EAF2: variants seen among roughly 807,000 people sequenced by gnomAD.
EAF2 encodes the protein ELL-associated factor 2.
Under a neutral mutation model 29.4 loss-of-function variants are expected in EAF2, and 29 were observed. That is an observed-to-expected ratio of 0.99 (90% CI 0.73 to 1.35). EAF2 has a LOEUF of 1.35. Ranked by LOEUF, EAF2 falls within the 40% of genes most tolerant of loss-of-function variation. The pLI, the probability that EAF2 is intolerant of heterozygous loss-of-function variation, is 0.00. For synonymous variants in EAF2, 103 were observed against 102.5 expected, an observed-to-expected ratio of 1.00 and a Z score of -0.03; for missense variants, 292 against 312.0, an observed-to-expected ratio of 0.94 and a Z score of 0.48.
intron 4 of EAF2, among the ~76,000 whole-genome samples, chr3:121,862,748 A>C (rs1236623868): frequency 6.6e-6 from 1 of 152,150 alleles, no homozygotes; most frequent in African/African-American, 2.4e-5. Context: ...GGAGGAGAAG[A>C]GGCACTCTGA....
At chr3:121,867,883 G>A (rs1427251568) in intron 4 of EAF2, among the ~76,000 whole-genome samples, 1 of 152,060 alleles carries the variant, frequency 6.6e-6, no homozygotes, top group Non-Finnish European at 1.5e-5. Context: ...TGACAAGTCA[G>A]GTATGTATAT....
chr3:121,835,508 C>G, intron 1 of EAF2, 117 bp downstream of exon 1: 10 of 882,384 alleles, frequency 1.1e-5, no homozygotes, highest in Non-Finnish European at 1.6e-5. Flanking sequence ...GACTACGGGG[C>G]GGGGAGGGGG....
At chr3:121,857,804 G>A (rs147585453) in intron 4 of EAF2, among the ~76,000 whole-genome samples, 15 of 152,048 alleles carry the variant, frequency 9.9e-5, no homozygotes, top group African/African-American at 2.2e-4. Flanking sequence ...GTATATCTCC[G>A]AATGCTATCC....
rs1212156754 is a variant in EAF2, at chr3:121,886,472, A to T, written c.*84A>T. The T allele has an allele frequency of 7.0e-6, 5 of 718,648 alleles. No homozygotes were observed. Among genetic ancestry groups the T allele is most frequent in the Non-Finnish European group, 1.0e-5 (5 of 484,446 alleles). 44.5% of individuals were successfully genotyped at this position (718,648 alleles called of 1,614,324 possible). A position where few individuals can be genotyped will look rare whatever the true frequency, so the allele number is the denominator to read the frequency against. ...CAATAAAAATTCCTAAGACTGAGGG[A>T]AATATGTCTTAACTTTTGATGATAA... On this transcript the variant is annotated 3_prime_UTR_variant, in exon 6 of 6. Coordinates refer to ENST00000273668, the MANE Select transcript of EAF2 (RefSeq NM_018456.6).
In EAF2 at chr3:121,839,452, G is replaced by A. The variant is rs762930548; in HGVS notation, c.106+4061G>A. ...TTCCAGTATTTCCCTTTGTGTTACTGTGAGAAAAATATTAGAAGTCAGAGG... is the reference window on the plus strand; with the variant it reads ...TTCCAGTATTTCCCTTTGTGTTACTATGAGAAAAATATTAGAAGTCAGAGG... On this transcript the variant is annotated intron_variant, in intron 1 of 5. Coordinates refer to ENST00000273668, the MANE Select transcript of EAF2 (RefSeq NM_018456.6). 1.6e-3 allele frequency among the ~76,000 whole-genome samples: 236 copies of A among 152,248 alleles called. 5 individuals are homozygous for A. The Middle Eastern group carries it at 0.034, about 22-fold the overall frequency.
At chr3:121,863,205 C>G (rs1014572906) in intron 4 of EAF2, among the ~76,000 whole-genome samples, 6 of 152,220 alleles carry the variant, frequency 3.9e-5, no homozygotes, top group African/African-American at 1.4e-4. Flanking sequence ...CTGGGAGAAC[C>G]ACTGCTGTCT....
intron 4 of EAF2, among the ~76,000 whole-genome samples, chr3:121,861,786 C>T (rs902045327): frequency 1.3e-5 from 2 of 152,144 alleles, no homozygotes; most frequent in Non-Finnish European, 2.9e-5. Context: ...TACAATTTGG[C>T]ATGTTTTTGT....
chr3:121,877,175 T>C (rs928477222), intron 5 of EAF2, among the ~76,000 whole-genome samples: 1 of 151,998 alleles, frequency 6.6e-6, no homozygotes, highest in African/African-American at 2.4e-5. Flanking sequence ...TCTGAATTTG[T>C]ATGCATGTAA....
At chr3:121,852,458 G>C (rs1283530086) in intron 2 of EAF2, among the ~76,000 whole-genome samples, 4 of 152,098 alleles carry the variant, frequency 2.6e-5, no homozygotes, top group Non-Finnish European at 1.5e-5. Flanking sequence ...ACATCTAACC[G>C]TTTTAGAGCT....
chr3:121,844,211 T>G (rs1053514097), intron 1 of EAF2, among the ~76,000 whole-genome samples: 3 of 152,190 alleles, frequency 2.0e-5, no homozygotes, highest in Admixed American at 6.5e-5. Flanking sequence ...CAGGATTCTA[T>G]GGAAGCATGA....
intron 4 of EAF2, among the ~76,000 whole-genome samples, chr3:121,869,135 C>T (rs948044567): frequency 6.6e-6 from 1 of 152,072 alleles, no homozygotes; most frequent in African/African-American, 2.4e-5. Context: ...GAAGAATCAT[C>T]AAAGGAAATT....
At chr3:121,841,567 G>C (rs6768806) in intron 1 of EAF2, among the ~76,000 whole-genome samples, 2,869 of 115,970 alleles carry the variant, frequency 0.025, 144 homozygotes, top group African/African-American at 0.087. Flanking sequence ...AAAAAAGATA[G>C]AAAGAAATAG....
intron 3 of EAF2, 27 bp downstream of exon 3, chr3:121,854,850 AT>A: frequency 6.7e-7 from 1 of 1,497,580 alleles, no homozygotes; most frequent in Non-Finnish European, 8.9e-7. Flanking sequence ...AATAAATTAT[AT>A]TATAAACATA....
rs1708685611 is a variant in EAF2, at chr3:121,854,537, C to G, written c.202-150C>G. The G allele has an allele frequency of 2.4e-5, 13 of 543,810 alleles. No individual in the cohort carries two copies. The highest frequency in any genetic ancestry group is 3.9e-5 in the Non-Finnish European group (13 of 335,466). The allele number at this position is 543,810 out of a possible 1,614,324, so 33.7% of individuals were successfully genotyped here. A position where few individuals can be genotyped will look rare whatever the true frequency, so the allele number is the denominator to read the frequency against. On this transcript the variant is annotated intron_variant, in intron 2 of 5. Transcript: ENST00000273668. Reference sequence around the variant, plus strand: ...ATCTTCATCTGTCTTTTTTACTACACTCTTTGGATTCAGGGTAGTAAATTT... The same window carrying G: ...ATCTTCATCTGTCTTTTTTACTACAGTCTTTGGATTCAGGGTAGTAAATTT...
intron 4 of EAF2, among the ~76,000 whole-genome samples, chr3:121,857,497 A>G (rs1708741458): frequency 6.6e-6 from 1 of 151,790 alleles, no homozygotes; most frequent in Non-Finnish European, 1.5e-5. Flanking sequence ...CTCAAAAAAA[A>G]AAAAAAGAAA....
At chr3:121,837,559 T>G (rs1046241271) in intron 1 of EAF2, 7 of 152,314 alleles carry the variant, frequency 4.6e-5, no homozygotes, top group African/African-American at 1.7e-4. Flanking sequence ...GGCTAAAAGA[T>G]AATAGTAATA....
intron 1 of EAF2, among the ~76,000 whole-genome samples, chr3:121,840,828 T>C (rs920884018): frequency 3.0e-5 from 3 of 99,134 alleles, no homozygotes; most frequent in South Asian, 3.5e-4. Flanking sequence ...AAAAAAAAGG[T>C]AAATAATATC....
At chr3:121,860,254 CCT>C (rs1708802293) in intron 4 of EAF2, among the ~76,000 whole-genome samples, 1 of 152,150 alleles carries the variant, frequency 6.6e-6, no homozygotes, top group African/African-American at 2.4e-5. Context: ...GATACCAGCC[CCT>C]CTTTCTACCT....
intron 4 of EAF2, among the ~76,000 whole-genome samples, chr3:121,866,205 G>A (rs1708923698): frequency 6.6e-6 from 1 of 152,092 alleles, no homozygotes; most frequent in Admixed American, 6.6e-5. Flanking sequence ...CGTGGCACCA[G>A]CAGGGATCAT....
Sources: gnomAD v4.1 joint callset for allele counts (sites outside exome capture counted in the v4.1 genomes callset) on GRCh38, gnomAD v4.1.1 for gene constraint, MANE v1.5 for transcripts, NCBI Gene and HGNC (gene_info 2026-07-23, HGNC 2026-07-21) for gene names.